TXLNB: variants seen among roughly 807,000 people sequenced by gnomAD.
TXLNB encodes the protein beta-taxilin.
Under a neutral mutation model 57.4 loss-of-function variants are expected in TXLNB, and 37 were observed. The observed-to-expected ratio is 0.64, with a 90% CI of 0.50 to 0.85. TXLNB has a LOEUF of 0.85. TXLNB is among the 40% of genes least tolerant of loss of function. The pLI, the probability that TXLNB is intolerant of heterozygous loss-of-function variation, is 0.00. For missense variants in TXLNB, 848 were observed against 825.6 expected (o/e 1.03, Z -0.33); for synonymous variants, 302 against 309.6 (o/e 0.98, Z 0.26).
the TXLNB span, among the ~76,000 whole-genome samples, chr6:139,186,235 T>G: frequency 2.6e-5 from 4 of 152,234 alleles, no homozygotes; most frequent in East Asian, 7.7e-4. Context: ...AATGGATAGA[T>G]TAGATGTTAT....
chr6:139,165,259 CAG>C, the TXLNB span, among the ~76,000 whole-genome samples: 6 of 152,088 alleles, frequency 3.9e-5, no homozygotes, highest in Non-Finnish European at 7.4e-5. Flanking sequence ...TTTAAAAAAA[CAG>C]ATTTTATTTT....
chr6:139,291,766 C>T (rs1376532518), intron 1 of TXLNB, among the ~76,000 whole-genome samples, 155 bp downstream of exon 1: 2 of 152,172 alleles, frequency 1.3e-5, no homozygotes, highest in African/African-American at 2.4e-5. Context: ...CTATCACAGA[C>T]ACATCCCTCC....
At chr6:139,279,998 G>A (rs765997109) in intron 2 of TXLNB, among the ~76,000 whole-genome samples, 3 of 152,108 alleles carry the variant, frequency 2.0e-5, no homozygotes, top group Non-Finnish European at 2.9e-5. Context: ...AAAACTGGCC[G>A]AGCGTGGTGG....
At chr6:139,176,875 T>G in the TXLNB span, 13 of 799,242 alleles carry the variant, frequency 1.6e-5, no homozygotes, top group Admixed American at 1.3e-4. The surrounding 1 kb of genome is among the most constrained non-coding windows in gnomAD (Gnocchi z 4.5). Flanking sequence ...CATTTTGGTT[T>G]GGATGACTTT....
the TXLNB span, among the ~76,000 whole-genome samples, chr6:139,221,818 G>T: frequency 6.6e-6 from 1 of 152,176 alleles, no homozygotes; most frequent in Admixed American, 6.5e-5. Context: ...TGAATCAGAA[G>T]ATAGGAGTAA....
At position 139,288,821 on chromosome 6, in the gene TXLNB, G is replaced by GA. The variant is rs1204196662; in HGVS notation, c.78dup (p.His27SerfsTer31). 7 of 1,614,100 alleles carry GA rather than the reference G, an allele frequency of 4.3e-6. No individual in the cohort carries two copies. In the African/African-American group the frequency reaches 9.3e-5, roughly 22 times the overall value. On this transcript the variant is annotated frameshift_variant, in exon 2 of 10. Coordinates refer to ENST00000358430, the MANE Select transcript of TXLNB (RefSeq NM_153235.4). LOFTEE classifies it high-confidence loss of function. ...CCATCTTCCTTCTCCAGGCCATTGT[G>GA]ACTGGGTAATGATGAACTGTCACCT...
the TXLNB span, among the ~76,000 whole-genome samples, chr6:139,304,716 G>A: frequency 6.6e-6 from 1 of 152,204 alleles, no homozygotes; most frequent in Non-Finnish European, 1.5e-5. Flanking sequence ...TAACAATGAA[G>A]AGAGTCCAGC....
chr6:139,294,717 C>G (rs867369390), upstream of TXLNB, among the ~76,000 whole-genome samples: 12 of 152,158 alleles, frequency 7.9e-5, no homozygotes, highest in South Asian at 1.7e-3. Context: ...TGGCCCGGCA[C>G]GCTGGCTCAC....
At chr6:139,233,912 C>T in the TXLNB span, among the ~76,000 whole-genome samples, 1 of 152,062 alleles carries the variant, frequency 6.6e-6, no homozygotes, top group Non-Finnish European at 1.5e-5. Context: ...TTTGGAATTC[C>T]CTTCCTAGAG....
At chr6:139,228,508 A>G in the TXLNB span, among the ~76,000 whole-genome samples, 1 of 149,746 alleles carries the variant, frequency 6.7e-6, no homozygotes, top group Non-Finnish European at 1.5e-5. Context: ...CCTGGACAAC[A>G]AGAGTGAAAC....
the TXLNB span, among the ~76,000 whole-genome samples, chr6:139,312,256 G>A: frequency 6.6e-6 from 1 of 152,076 alleles, no homozygotes; most frequent in African/African-American, 2.4e-5. Flanking sequence ...AATAAGAAGA[G>A]CCAATCTTAG....
the TXLNB span, among the ~76,000 whole-genome samples, chr6:139,302,507 T>TAATC: frequency 6.6e-6 from 1 of 151,120 alleles, no homozygotes; most frequent in Non-Finnish European, 1.5e-5. Context: ...CTCACACCTG[T>TAATC]AATCCCAGCA....
At chr6:139,181,580 G>A in the TXLNB span, among the ~76,000 whole-genome samples, 4 of 152,130 alleles carry the variant, frequency 2.6e-5, no homozygotes, top group African/African-American at 7.2e-5. Flanking sequence ...TAATGCTAGT[G>A]TACTCATACA....
chr6:139,255,451 A>G, intron 7 of TXLNB, 113 bp downstream of exon 7: 1 of 790,576 alleles, frequency 1.3e-6, no homozygotes, highest in Non-Finnish European at 2.3e-6. Flanking sequence ...TCCAATTCCC[A>G]TCCCCCCATC....
the TXLNB span, among the ~76,000 whole-genome samples, chr6:139,222,643 C>T: frequency 1.4e-4 from 22 of 152,078 alleles, no homozygotes; most frequent in Non-Finnish European, 2.8e-4. Flanking sequence ...CTTGTCTCTA[C>T]TAAAAATACA....
the TXLNB span, chr6:139,179,866 T>A: frequency 6.6e-6 from 1 of 152,220 alleles, no homozygotes; most frequent in African/African-American, 2.4e-5. Flanking sequence ...TGAAGCAGTC[T>A]TAAGAGTGAC....
chr6:139,293,796 G>A (rs545096718), upstream of TXLNB, among the ~76,000 whole-genome samples: 78 of 152,092 alleles, frequency 5.1e-4, no homozygotes, highest in African/African-American at 1.8e-3. Context: ...TGAAGACAAT[G>A]AAGCTGTTCA....
the TXLNB span, among the ~76,000 whole-genome samples, chr6:139,316,544 A>G: frequency 1.3e-5 from 2 of 152,154 alleles, no homozygotes; most frequent in African/African-American, 4.8e-5. Context: ...ATTGAGCCCA[A>G]TCTTTCATAC....
intron 4 of TXLNB, among the ~76,000 whole-genome samples, chr6:139,270,080 T>C (rs1046157578): frequency 1.3e-5 from 2 of 152,202 alleles, no homozygotes; most frequent in Non-Finnish European, 2.9e-5. Flanking sequence ...ATGCTGAATC[T>C]TTACAAATGT....
Sources: allele counts gnomAD v4.1 joint callset (sites outside exome capture counted in the v4.1 genomes callset), GRCh38; gene constraint gnomAD v4.1.1; non-coding constraint Gnocchi (gnomAD v3.1); transcripts MANE v1.5; gene names NCBI Gene and HGNC (gene_info 2026-07-23, HGNC 2026-07-21).